Variants in CCDC171 observed in about 807,000 individuals in gnomAD.
CCDC171 encodes coiled-coil domain-containing protein 171.
A neutral mutation model predicts 168.2 loss-of-function variants in CCDC171; 177 were observed. The ratio of observed to expected loss-of-function variants is 1.05; its 90% CI spans 0.93 to 1.19. The LOEUF (loss-of-function observed/expected upper bound fraction) is 1.19. Among genes scored for constraint, CCDC171 ranks in the 50% most tolerant of loss-of-function variants. The pLI, the probability that CCDC171 is intolerant of heterozygous loss-of-function variation, is 0.00. For missense variants in CCDC171, 1,991 were observed against 1,539.0 expected, an observed-to-expected ratio of 1.29 and a Z score of -4.91; for synonymous variants, 687 against 540.8, an observed-to-expected ratio of 1.27 and a Z score of -3.75.
chr9:16,092,936 G>A, the CCDC171 span, among the ~76,000 whole-genome samples: 2 of 152,222 alleles, frequency 1.3e-5, no homozygotes, highest in Non-Finnish European at 2.9e-5. Context: ...TCTGAGCTCT[G>A]CAACATGGGT....
chr9:15,883,390 G>A (rs1403214966), intron 24 of CCDC171, among the ~76,000 whole-genome samples: 3 of 151,956 alleles, frequency 2.0e-5, no homozygotes, highest in Non-Finnish European at 2.9e-5. Flanking sequence ...TTGTAATAAG[G>A]TATTTTCTGT....
At chr9:15,905,072 G>A (rs1272685876) in intron 24 of CCDC171, among the ~76,000 whole-genome samples, 1 of 152,100 alleles carries the variant, frequency 6.6e-6, no homozygotes, top group Non-Finnish European at 1.5e-5. Context: ...CAATAATAAT[G>A]GGAGACTTTA....
At chr9:15,592,696 A>G (rs1314532216) in intron 5 of CCDC171, among the ~76,000 whole-genome samples, 1 of 152,078 alleles carries the variant, frequency 6.6e-6, no homozygotes, top group South Asian at 2.1e-4. Flanking sequence ...ATGGGCCTGT[A>G]TAACCTTCCC....
chr9:15,611,720 G>T (rs1004859378), intron 6 of CCDC171, among the ~76,000 whole-genome samples: 1 of 152,146 alleles, frequency 6.6e-6, no homozygotes, highest in Non-Finnish European at 1.5e-5. Context: ...TATGGAGGGG[G>T]ATTTTTCAGG....
intron 6 of CCDC171, among the ~76,000 whole-genome samples, chr9:15,622,127 C>T (rs527339064): frequency 1.1e-4 from 16 of 152,090 alleles, no homozygotes; most frequent in South Asian, 2.1e-4. Context: ...CTGGGTTCTG[C>T]CTGAGGGTGG....
intron 11 of CCDC171, among the ~76,000 whole-genome samples, chr9:15,718,980 A>G (rs2053273144): frequency 6.6e-6 from 1 of 152,176 alleles, no homozygotes; most frequent in Non-Finnish European, 1.5e-5. Context: ...TCAGCAAACA[A>G]ACTAAATAAG....
intron 3 of CCDC171, among the ~76,000 whole-genome samples, chr9:15,980,822 A>G (rs756790875): frequency 4.1e-5 from 6 of 147,270 alleles, no homozygotes; most frequent in Non-Finnish European, 7.5e-5. Flanking sequence ...CGCCCACCCA[A>G]TTTGTATATA....
At chr9:15,799,427 C>G (rs1373790726) in intron 21 of CCDC171, among the ~76,000 whole-genome samples, 2 of 150,738 alleles carry the variant, frequency 1.3e-5, no homozygotes, top group African/African-American at 2.4e-5. Context: ...TCTTTTTTTC[C>G]CCTCAGGTTT....
chr9:15,745,513 A>G lies in CCDC171; in HGVS notation c.2555-2A>G, dbSNP rs762923441. ...TTACAATGGATTTTTTCAATTTTAT[A>G]GAACATCAAAAGGAGCAGTTGCGTT... On this transcript the variant is annotated splice_acceptor_variant, in intron 17 of 25. Transcript: ENST00000380701. LOFTEE classifies it high-confidence loss of function. The G allele has an allele frequency of 3.3e-6, 5 of 1,531,080 alleles. No individual in the cohort carries two copies. The highest frequency in any genetic ancestry group is 3.5e-4 in the Middle Eastern group (2 of 5,774). The allele number at this position is 1,531,080 out of a possible 1,614,324, so 94.8% of individuals were successfully genotyped here. A position where few individuals can be genotyped will look rare whatever the true frequency, so the allele number is the denominator to read the frequency against.
At chr9:16,100,798 GC>G in the CCDC171 span, among the ~76,000 whole-genome samples, 1 of 152,032 alleles carries the variant, frequency 6.6e-6, no homozygotes, top group Non-Finnish European at 1.5e-5. Flanking sequence ...CCTGTCAGGC[GC>G]CCCCCACCCC....
intron 16 of CCDC171, among the ~76,000 whole-genome samples, 195 bp downstream of exon 16, chr9:15,729,993 C>T (rs367730765): frequency 1.7e-4 from 26 of 151,826 alleles, no homozygotes; most frequent in African/African-American, 6.0e-4. Flanking sequence ...TAAGGATTGT[C>T]TTTCATGTAA....
intron 18 of CCDC171, among the ~76,000 whole-genome samples, chr9:15,775,412 G>A (rs1564383231): frequency 6.6e-6 from 1 of 152,048 alleles, no homozygotes; most frequent in Admixed American, 6.6e-5. Context: ...TTGCCCTCCC[G>A]AGTTCAAGGG....
At chr9:16,030,696 C>T (rs901531055) in intron 6 of CCDC171, among the ~76,000 whole-genome samples, 1 of 152,236 alleles carries the variant, frequency 6.6e-6, no homozygotes, top group African/African-American at 2.4e-5. Context: ...GGTTTGTGAC[C>T]ACAGAATGCA....
At chr9:15,996,697 A>T (rs1185939044) in intron 3 of CCDC171, among the ~76,000 whole-genome samples, 1 of 152,152 alleles carries the variant, frequency 6.6e-6, no homozygotes, top group Non-Finnish European at 1.5e-5. Flanking sequence ...ATGTATGTCA[A>T]TCTGGAAGGA....
chr9:15,878,234 A>G (rs981245525), intron 24 of CCDC171, among the ~76,000 whole-genome samples: 2 of 152,186 alleles, frequency 1.3e-5, no homozygotes, highest in South Asian at 2.1e-4. Context: ...TGTGCATCTG[A>G]TGAAGGTTTA....
Position 15,594,074 on chromosome 9 carries a change from G to A in CCDC171, c.577G>A (p.Glu193Lys). 6.3e-7 allele frequency: 1 copy of A among 1,591,080 alleles called. No individual in the cohort carries two copies. The highest frequency in any genetic ancestry group is 8.6e-7 in the Non-Finnish European group (1 of 1,164,790). The change falls in exon 6 of 26, where the codon GAG becomes AAG. Residue 193 changes from glutamate to lysine, a missense_variant. Physicochemically the swap from Glu to Lys is moderately conservative, Grantham distance 56. Transcript: ENST00000380701. ...GGAAAAACATCAACGGGAGAAGAAT[G>A]AGATGGAGTCTCATATCAGGGAGAC... ...ALEKHQREKN[E>K]MESHIRETAL... is the part of the protein sequence containing the mutation.
intron 3 of CCDC171, among the ~76,000 whole-genome samples, chr9:15,576,703 G>A (rs2040695597): frequency 6.6e-6 from 1 of 152,176 alleles, no homozygotes; most frequent in Non-Finnish European, 1.5e-5. Context: ...AGTTAACTTA[G>A]AGACGATATC....
intron 16 of CCDC171, among the ~76,000 whole-genome samples, chr9:15,740,938 G>A (rs1315056192): frequency 6.6e-6 from 1 of 152,130 alleles, no homozygotes; most frequent in Non-Finnish European, 1.5e-5. Flanking sequence ...GAAGTTTGAA[G>A]TATTATTTTG....
chr9:15,727,927 T>C lies in CCDC171; in HGVS notation c.1751T>C (p.Ile584Thr), dbSNP rs1183499228. 1.2e-6 allele frequency: 2 copies of C among 1,613,368 alleles called. No homozygotes were observed. The highest frequency in any genetic ancestry group is 1.7e-6 in the Non-Finnish European group (2 of 1,179,660). The change falls in exon 15 of 26, where the codon ATA becomes ACA. Residue 584 changes from isoleucine (I) to threonine (T), a missense_variant. Ile to Thr is a moderately conservative substitution (Grantham distance 89). Coordinates refer to ENST00000380701, the MANE Select transcript of CCDC171 (RefSeq NM_173550.4). ...YQHLVAGCVLIKQPEGMLDKF... is the reference protein window; with the variant it reads ...YQHLVAGCVLTKQPEGMLDKF... The stretch of plus-strand genomic sequence containing the variant: ...CACTTGGTAGCAGGCTGTGTGCTCA[T>C]AAAACAACCAGAAGGCATGCTGGAT...
Sources: allele counts gnomAD v4.1 joint callset (sites outside exome capture counted in the v4.1 genomes callset), GRCh38; gene constraint gnomAD v4.1.1; transcripts MANE v1.5; gene names NCBI Gene and HGNC (gene_info 2026-07-23, HGNC 2026-07-21).